The following PTPRR variants were observed in gnomAD, a reference collection of about 807,000 sequenced individuals.
The protein encoded by PTPRR is receptor-type tyrosine-protein phosphatase R.
PTPRR carries 38 observed loss-of-function variants against 77.2 expected under a neutral mutation model. The observed-to-expected ratio is 0.49, with a 90% CI of 0.38 to 0.65. The LOEUF is 0.65. PTPRR is among the 30% of genes least tolerant of loss of function. The pLI is 0.00. For missense variants in PTPRR, 744 were observed against 799.2 expected (o/e 0.93, Z 0.83); for synonymous variants, 299 against 283.1 (o/e 1.06, Z -0.57).
chr12:70,814,487 T>C lies in PTPRR; in HGVS notation c.358-49709A>G, dbSNP rs568338679. On this transcript the variant is annotated intron_variant, in intron 2 of 13. Coordinates refer to ENST00000283228, the MANE Select transcript of PTPRR (RefSeq NM_002849.4). ...GCTTGCTAAATTTCCCACTCCCAGA[T>C]TGAGATTTCTACTGCATGTTGTTTG... Among the ~76,000 whole-genome samples, 5 of 152,244 alleles carry C rather than the reference T, an allele frequency of 3.3e-5. No homozygotes were observed. The South Asian group carries it at 8.3e-4, about 25-fold the overall frequency.
chr12:70,805,388 G>A (rs1407827361), intron 2 of PTPRR, among the ~76,000 whole-genome samples: 2 of 151,926 alleles, frequency 1.3e-5, no homozygotes, highest in African/African-American at 4.8e-5. Context: ...CCAGGCTGGA[G>A]TAGAGTGGTG....
intron 3 of PTPRR, among the ~76,000 whole-genome samples, chr12:70,763,030 T>C (rs1185892795): frequency 6.6e-6 from 1 of 151,954 alleles, no homozygotes; most frequent in Non-Finnish European, 1.5e-5. Flanking sequence ...ATCATCTCTC[T>C]ATATATCTTA....
In PTPRR at chr12:70,662,611, G is replaced by C. The variant is rs1886837669; in HGVS notation, c.1498-6C>G. On this transcript the variant is annotated splice_region_variant and splice_polypyrimidine_tract_variant and intron_variant, in intron 10 of 13. Transcript: ENST00000283228. Reference sequence around the variant, plus strand: ...GGCCAGTATAGCACACATTTCTGGAGGAAGGGAAAGAGAATACAGCAAATA... The same window carrying C: ...GGCCAGTATAGCACACATTTCTGGACGAAGGGAAAGAGAATACAGCAAATA... 1.9e-6 allele frequency: 3 copies of C among 1,553,886 alleles called. No individual in the cohort carries two copies. The African/African-American group carries it at 4.1e-5, about 21-fold the overall frequency.
Position 70,684,233 on chromosome 12 carries a change from G to T in PTPRR, c.1391C>A (p.Ala464Asp). The stretch of plus-strand genomic sequence containing the variant: ...GGTGTTGATCATGGGGCCCTGCGTG[G>T]CAATGAAGGCTTTCTCCTTGCCACT... ...GYSGKEKAFI[A>D]TQGPMINTVD... Residue 464 changes from alanine (A) to aspartate (D), a missense_variant, in exon 10 of 14, where the codon GCC (alanine) becomes GAC (aspartate). Coordinates refer to ENST00000283228, the MANE Select transcript of PTPRR (RefSeq NM_002849.4). 2.5e-6 allele frequency: 4 copies of T among 1,613,308 alleles called. No homozygotes were observed. Among genetic ancestry groups the T allele is most frequent in the Non-Finnish European group, 3.4e-6 (4 of 1,179,670 alleles).
intron 12 of PTPRR, among the ~76,000 whole-genome samples, chr12:70,657,764 T>C (rs1886637874): frequency 6.6e-6 from 1 of 152,200 alleles, no homozygotes; most frequent in Non-Finnish European, 1.5e-5. Context: ...AACCATCTTT[T>C]ACATCTCTCC....
At chr12:70,866,918 C>A (rs1892862091) in intron 2 of PTPRR, among the ~76,000 whole-genome samples, 1 of 151,486 alleles carries the variant, frequency 6.6e-6, no homozygotes, top group East Asian at 1.9e-4. Flanking sequence ...ATAAACAGAA[C>A]CAAAGACAAA....
chr12:70,683,623 A>G (rs1211550173), intron 10 of PTPRR, among the ~76,000 whole-genome samples: 1 of 152,012 alleles, frequency 6.6e-6, no homozygotes, highest in Non-Finnish European at 1.5e-5. Flanking sequence ...AGCCTGCTCT[A>G]CTTTCTTTCC....
chr12:70,782,082 T>G (rs899821671), intron 2 of PTPRR, among the ~76,000 whole-genome samples: 7 of 152,106 alleles, frequency 4.6e-5, no homozygotes, highest in African/African-American at 1.7e-4. Flanking sequence ...ATACCCAAAT[T>G]TCTTGTTTAA....
At chr12:70,753,069 T>C (rs954726972) in intron 5 of PTPRR, among the ~76,000 whole-genome samples, 1 of 152,220 alleles carries the variant, frequency 6.6e-6, no homozygotes, top group African/African-American at 2.4e-5. Context: ...GAGCTACCTC[T>C]GAATTCATTA....
chr12:70,892,566 T>C (rs1893355869), intron 2 of PTPRR, 113 bp downstream of exon 2: 1 of 1,241,678 alleles, frequency 8.1e-7, no homozygotes, highest in Non-Finnish European at 1.1e-6. Context: ...CTGTGGTACA[T>C]ACCCGTTGGG....
intron 3 of PTPRR, among the ~76,000 whole-genome samples, chr12:70,761,935 A>T (rs565175108): frequency 6.6e-6 from 1 of 152,188 alleles, no homozygotes; most frequent in Non-Finnish European, 1.5e-5. Context: ...GATTGTTCAG[A>T]TGTTCCCTGA....
At chr12:70,831,309 G>A (rs1452493469) in intron 2 of PTPRR, among the ~76,000 whole-genome samples, 2 of 152,072 alleles carry the variant, frequency 1.3e-5, no homozygotes, top group Non-Finnish European at 2.9e-5. Context: ...CACTTCATTG[G>A]CAATTTATCA....
chr12:70,673,750 T>G (rs1887334581), intron 10 of PTPRR, among the ~76,000 whole-genome samples: 1 of 152,160 alleles, frequency 6.6e-6, no homozygotes, highest in Admixed American at 6.5e-5. Flanking sequence ...GGTAAGGCAT[T>G]TTGCTCAGAT....
Position 70,737,792 on chromosome 12 carries a change from G to C in PTPRR, c.1007+8026C>G, listed in dbSNP as rs114198415. Among the ~76,000 whole-genome samples, 1,099 of 152,208 alleles carry C rather than the reference G, an allele frequency of 7.2e-3. 17 individuals are homozygous for C. The highest frequency in any genetic ancestry group is 0.025 in the African/African-American group (1,036 of 41,524). ...CCTGCCTTAACCTCCCAAAATGCTG[G>C]GATTACAGGCGTGAGCCACCATTTG... On this transcript the variant is annotated intron_variant, in intron 6 of 13. Coordinates refer to ENST00000283228, the MANE Select transcript of PTPRR (RefSeq NM_002849.4).
chr12:70,665,497 T>C (rs903818737), intron 10 of PTPRR, among the ~76,000 whole-genome samples: 1 of 140,832 alleles, frequency 7.1e-6, no homozygotes, highest in African/African-American at 2.7e-5. Flanking sequence ...TTCTCCCGCC[T>C]CAGCCTCCCA....
chr12:70,838,115 T>G (rs1892335899), intron 2 of PTPRR, among the ~76,000 whole-genome samples: 1 of 152,186 alleles, frequency 6.6e-6, no homozygotes, highest in Non-Finnish European at 1.5e-5. Flanking sequence ...TGTCTTGTCT[T>G]TGATCCTGAA....
chr12:70,746,035 CTT>C lies in PTPRR; in HGVS notation c.788_789del (p.Lys263ArgfsTer30). The C allele has an allele frequency of 6.2e-7, 1 of 1,613,510 alleles. No individual in the cohort carries two copies. The highest frequency in any genetic ancestry group is 8.5e-7 in the Non-Finnish European group (1 of 1,179,570). The part of the protein sequence containing the change: ...ERFQLSLRQD[K>X]EKNQEIHLSP... ...GATAGGTGGATCTCCTGGTTTTTCT[CTT>C]TGTCTTGTCTTAAGGAAAGCTGAAA... On this transcript the variant is annotated frameshift_variant, in exon 6 of 14. Transcript: ENST00000283228. LOFTEE classifies it high-confidence loss of function.
chr12:70,829,017 T>C (rs984001982), intron 2 of PTPRR, among the ~76,000 whole-genome samples: 2 of 152,138 alleles, frequency 1.3e-5, no homozygotes, highest in African/African-American at 4.8e-5. Context: ...TCTTGTACTC[T>C]AAACCTATGA....
chr12:70,748,177 T>C (rs1047830174), intron 5 of PTPRR, among the ~76,000 whole-genome samples: 1 of 152,152 alleles, frequency 6.6e-6, no homozygotes, highest in African/African-American at 2.4e-5. Flanking sequence ...TTTTGTGGTG[T>C]AATCTCCTCA....
Sources: allele counts gnomAD v4.1 joint callset (sites outside exome capture counted in the v4.1 genomes callset), GRCh38; gene constraint gnomAD v4.1.1; transcripts MANE v1.5; gene names NCBI Gene and HGNC (gene_info 2026-07-23, HGNC 2026-07-21).